Variants in FBXO24 observed in about 807,000 individuals in gnomAD.
FBXO24 encodes the protein F-box protein 24, also known as F-box only protein 24.
A neutral mutation model predicts 63.5 loss-of-function variants in FBXO24; 30 were observed. The ratio of observed to expected loss-of-function variants is 0.47; its 90% CI spans 0.35 to 0.64. The LOEUF (loss-of-function observed/expected upper bound fraction) is 0.64, where lower values mean the gene tolerates loss of function less well. FBXO24 is among the 30% of genes least tolerant of loss of function. FBXO24 has a pLI of 0.00. For synonymous variants in FBXO24, 300 were observed against 305.0 expected (o/e 0.98, Z 0.17); for missense variants, 624 against 763.4 (o/e 0.82, Z 2.15).
In FBXO24 at chr7:100,600,966, T is replaced by C. The variant is rs1562824695; in HGVS notation, c.*67T>C. ...CCCCAGGCCAGGGACTAAGGAGCAATGACCATTGTGCACATGCGTGTGGGA... is the reference window on the plus strand; with the variant it reads ...CCCCAGGCCAGGGACTAAGGAGCAACGACCATTGTGCACATGCGTGTGGGA... On this transcript the variant is annotated 3_prime_UTR_variant, in exon 10 of 10. Transcript: ENST00000241071. The surrounding 1 kb of genome is among the most constrained non-coding windows in gnomAD (Gnocchi z 6.3). 1.9e-6 allele frequency: 3 copies of C among 1,553,846 alleles called. No homozygotes were observed. Among genetic ancestry groups the C allele is most frequent in the Non-Finnish European group, 1.7e-6 (2 of 1,155,394 alleles).
chr7:100,600,698 G>A lies in FBXO24; in HGVS notation c.1542G>A (p.Gly514=). 1.2e-6 allele frequency: 2 copies of A among 1,614,182 alleles called. No individual in the cohort carries two copies. The highest frequency in any genetic ancestry group is 1.7e-6 in the Non-Finnish European group (2 of 1,180,004). The change falls in exon 10 of 10, where the codon GGG becomes GGA. Residue 514 remains glycine, a synonymous_variant. Coordinates refer to ENST00000241071, the MANE Select transcript of FBXO24 (RefSeq NM_033506.3). The surrounding 1 kb of genome is among the most constrained non-coding windows in gnomAD (Gnocchi z 6.3). The stretch of plus-strand genomic sequence containing the variant: ...CCAGAGCACCCCAGGACCCCGGGGG[G>A]ATGGCCCAGGCCTGCGAGGAGTACC... ...LGARAPQDPG[G]MAQACEEYLS...
chr7:100,591,828 C>G lies in FBXO24; in HGVS notation c.484C>G (p.Leu162Val), dbSNP rs753206304. 3.1e-6 allele frequency: 5 copies of G among 1,614,252 alleles called. No individual in the cohort carries two copies. In the South Asian group the frequency reaches 5.5e-5, roughly 18 times the overall value. Residue 162 changes from leucine to valine, a missense_variant, in exon 4 of 10, where the codon CTG (leucine) becomes GTG (valine). By Grantham distance (32) the Leu-to-Val change is conservative. This residue lies in a region of FBXO24 where 391 missense variants were observed against 469.1 expected (regional missense o/e 0.83). Transcript: ENST00000241071. ...VGTLFFLKNA[L>V]VSTLGQMQWK... ...GACCCTCTTCTTCCTCAAAAATGCC[C>G]TGGTCTCCACCCTCGGCCAGATGCA... is the stretch of plus-strand genomic sequence containing the variant.
chr7:100,595,987 G>A (rs529697638), intron 8 of FBXO24, among the ~76,000 whole-genome samples: 3 of 152,318 alleles, frequency 2.0e-5, no homozygotes, highest in Admixed American at 6.5e-5. Context: ...GAGGTAAGAT[G>A]TGAGCAGGGG....
In FBXO24 at chr7:100,590,447, C is replaced by T. The variant is rs1380168730; in HGVS notation, c.322+90C>T. 7 of 1,331,442 alleles carry T rather than the reference C, an allele frequency of 5.3e-6. No individual in the cohort carries two copies. The Admixed American group carries it at 1.4e-4, about 27-fold the overall frequency. 82.5% of individuals were successfully genotyped at this position (1,331,442 alleles called of 1,614,324 possible). A position where few individuals can be genotyped will look rare whatever the true frequency, so the allele number is the denominator to read the frequency against. On this transcript the variant is annotated intron_variant, in intron 3 of 9. Coordinates refer to ENST00000241071, the MANE Select transcript of FBXO24 (RefSeq NM_033506.3). ...AAAGTCCCCTGATGACCCCCACACT[C>T]CCAACAGTGCTTCCAGGGCCCCTTT...
intron 1 of FBXO24, chr7:100,589,380 C>G (rs1801888436): frequency 8.6e-7 from 1 of 1,161,014 alleles, no homozygotes; most frequent in Admixed American, 4.6e-5. Flanking sequence ...TCCTCCTGCT[C>G]CCTGAAATAA....
chr7:100,590,151 G>C, intron 2 of FBXO24, 23 bp from the exon 3 acceptor site: 1 of 1,610,566 alleles, frequency 6.2e-7, no homozygotes, highest in Non-Finnish European at 8.5e-7. Flanking sequence ...AAGACTCCCC[G>C]CTTCTTCCCT....
intron 8 of FBXO24, among the ~76,000 whole-genome samples, chr7:100,597,764 CA>C (rs2131276524): frequency 6.6e-6 from 1 of 152,022 alleles, no homozygotes; most frequent in Non-Finnish European, 1.5e-5. Flanking sequence ...TGCAGTGACA[CA>C]ATCGTAGCTT....
chr7:100,586,992 C>T (rs1368829652), intron 1 of FBXO24, among the ~76,000 whole-genome samples: 2 of 152,164 alleles, frequency 1.3e-5, no homozygotes, highest in Non-Finnish European at 1.5e-5. Context: ...CACGGTCTGC[C>T]GTCTCACCCG....
At position 100,600,933 on chromosome 7, in the gene FBXO24, G is replaced by C. The variant is rs572516223; in HGVS notation, c.*34G>C. ...ATGCTAGCCTAGTCCCTGGAGGAGG[G>C]AGTCCGGCCCCAGGCCAGGGACTAA... On this transcript the variant is annotated 3_prime_UTR_variant, in exon 10 of 10. Transcript: ENST00000241071. The surrounding 1 kb of genome is among the most constrained non-coding windows in gnomAD (Gnocchi z 6.3). 3 of 1,590,946 alleles carry C rather than the reference G, an allele frequency of 1.9e-6. No individual in the cohort carries two copies. Among genetic ancestry groups the C allele is most frequent in the African/African-American group, 2.7e-5 (2 of 74,244 alleles).
In FBXO24 at chr7:100,587,336, T is replaced by G. The variant is rs191374696; in HGVS notation, c.39+672T>G. Among the ~76,000 whole-genome samples the G allele has an allele frequency of 7.2e-3, 1,102 of 152,268 alleles. 14 individuals carry two copies. The highest frequency in any genetic ancestry group is 0.025 in the African/African-American group (1,034 of 41,546). Reference sequence around the variant, plus strand: ...TTTATTTTTTGAGATGGAGTCTCGCTCAGTCGCCCAGGCTGGAGTGCAGTG... The same window carrying G: ...TTTATTTTTTGAGATGGAGTCTCGCGCAGTCGCCCAGGCTGGAGTGCAGTG... On this transcript the variant is annotated intron_variant, in intron 1 of 9. Transcript: ENST00000241071.
At position 100,586,359 on chromosome 7, in the gene FBXO24, C is replaced by T. The variant is rs1801752762; in HGVS notation, c.-267C>T. ...CTCGCCAACGGCCGACGCTCCAGGC[C>T]GTCCCGCCCAGCGCAGCTGCACCCA... is the stretch of plus-strand genomic sequence containing the variant. On this transcript the variant is annotated 5_prime_UTR_variant, in exon 1 of 10. Transcript: ENST00000241071. The T allele has an allele frequency of 6.3e-6, 4 of 637,674 alleles. No individual in the cohort carries two copies. Among genetic ancestry groups the T allele is most frequent in the Non-Finnish European group, 1.1e-5 (4 of 370,984 alleles). The allele number at this position is 637,674 out of a possible 1,614,324, so 39.5% of individuals were successfully genotyped here. A position where few individuals can be genotyped will look rare whatever the true frequency, so the allele number is the denominator to read the frequency against.
At position 100,594,993 on chromosome 7, in the gene FBXO24, C is replaced by G. The variant is rs1802234217; in HGVS notation, c.953-109C>G. On this transcript the variant is annotated intron_variant, in intron 6 of 9. Coordinates refer to ENST00000241071, the MANE Select transcript of FBXO24 (RefSeq NM_033506.3). The surrounding 1 kb of genome is among the most constrained non-coding windows in gnomAD (Gnocchi z 4.2). Reference sequence around the variant, plus strand: ...CCCAGGCATCATAGTTGATGCATTCCTAGTGGGTATGAGACTCCTTGGATC... The same window carrying G: ...CCCAGGCATCATAGTTGATGCATTCGTAGTGGGTATGAGACTCCTTGGATC... 1 of 1,450,284 alleles carries G rather than the reference C, an allele frequency of 6.9e-7. No homozygotes were observed. 89.8% of individuals were successfully genotyped at this position (1,450,284 alleles called of 1,614,324 possible).
At position 100,594,374 on chromosome 7, in the gene FBXO24, T is replaced by C; in HGVS notation, c.794-9T>C. The C allele has an allele frequency of 3.1e-6, 5 of 1,610,568 alleles. No individual in the cohort carries two copies. The highest frequency in any genetic ancestry group is 4.2e-6 in the Non-Finnish European group (5 of 1,178,512). On this transcript the variant is annotated splice_polypyrimidine_tract_variant and intron_variant, in intron 5 of 9. Transcript: ENST00000241071. This position sits in a 1 kb window ranked among gnomAD's most constrained non-coding sequence, Gnocchi z 4.2. ...CCCCTCCCCAACTAATTGCTTCCCC[T>C]ACCCCCAGAGGAAGGAAAGATCTAC...
In FBXO24 at chr7:100,592,908, G is replaced by A; in HGVS notation, c.684G>A (p.Leu228=). 1.9e-6 allele frequency: 3 copies of A among 1,614,210 alleles called. No homozygotes were observed. Among genetic ancestry groups the A allele is most frequent in the Non-Finnish European group, 1.7e-6 (2 of 1,180,044 alleles). The change falls in exon 5 of 10, where the codon CTG becomes CTA. Residue 228 remains leucine (L), a synonymous_variant. Transcript: ENST00000241071. ...SRACDCVEVY[L]QSSGQRVFKM... is the part of the protein sequence containing the mutation. Reference sequence around the variant, plus strand: ...CCTGTGACTGTGTTGAGGTCTATCTGCAGTCTAGTGGGCAGCGGGTCTTCA... The same window carrying A: ...CCTGTGACTGTGTTGAGGTCTATCTACAGTCTAGTGGGCAGCGGGTCTTCA...
intron 3 of FBXO24, 21 bp from the exon 4 acceptor site, chr7:100,591,646 C>G (rs1562816859): frequency 6.2e-7 from 1 of 1,610,254 alleles, no homozygotes; most frequent in South Asian, 1.1e-5. Flanking sequence ...CTTGAACCTT[C>G]CATCTCCTTC....
chr7:100,587,280 CTCCCTTCCGT>C (rs948776136), intron 1 of FBXO24, among the ~76,000 whole-genome samples: 8 of 151,832 alleles, frequency 5.3e-5, no homozygotes, highest in Non-Finnish European at 1.0e-4. Flanking sequence ...CTCCCTCCCT[CTCCCTTCCGT>C]TCCCTTCCTC....
At position 100,592,862 on chromosome 7, in the gene FBXO24, TG is replaced by T. The variant is rs1802099009; in HGVS notation, c.641del (p.Gly214ValfsTer25). 1 of 1,613,950 alleles carries T rather than the reference TG, an allele frequency of 6.2e-7. No homozygotes were observed. The highest frequency in any genetic ancestry group is 8.5e-7 in the Non-Finnish European group (1 of 1,180,018). On this transcript the variant is annotated frameshift_variant, in exon 5 of 10. Coordinates refer to ENST00000241071, the MANE Select transcript of FBXO24 (RefSeq NM_033506.3). LOFTEE classifies it high-confidence loss of function. ...VLATREPQEV[V>X]GTTSSRACDC... ...GCCACTCGGGAGCCGCAGGAAGTGGTGGGTACCACCAGCAGCCGGGCCTGTG... is the reference window on the plus strand; with the variant it reads ...GCCACTCGGGAGCCGCAGGAAGTGGTGGTACCACCAGCAGCCGGGCCTGTG...
Position 100,601,058 on chromosome 7 carries a change from C to T in FBXO24, c.*159C>T, listed in dbSNP as rs141157752. 805 of 1,007,966 alleles carry T rather than the reference C, an allele frequency of 8.0e-4. 9 individuals are homozygous for T. In the East Asian group the frequency reaches 0.018, roughly 23 times the overall value. The allele number at this position is 1,007,966 out of a possible 1,614,324, so 62.4% of individuals were successfully genotyped here. A position where few individuals can be genotyped will look rare whatever the true frequency, so the allele number is the denominator to read the frequency against. On this transcript the variant is annotated 3_prime_UTR_variant, in exon 10 of 10. Coordinates refer to ENST00000241071, the MANE Select transcript of FBXO24 (RefSeq NM_033506.3). ...TGTTCAGGGGGCTGCCCAGGAGGGG[C>T]CCCCAACCTGACTATCATGGACAAG... is the stretch of plus-strand genomic sequence containing the variant.
chr7:100,599,976 A>ACCCCCC, intron 8 of FBXO24, 55 bp from the exon 9 acceptor site: 1 of 744,322 alleles, frequency 1.3e-6, no homozygotes, highest in Non-Finnish European at 2.3e-6. Flanking sequence ...TTCCCACCCC[A>ACCCCCC]GCCCCCCCGT....
Sources: allele counts gnomAD v4.1 joint callset (sites outside exome capture counted in the v4.1 genomes callset), GRCh38; gene constraint gnomAD v4.1.1; regional missense constraint gnomAD v4.1.1; non-coding constraint Gnocchi (gnomAD v3.1); transcripts MANE v1.5; gene names NCBI Gene and HGNC (gene_info 2026-07-23, HGNC 2026-07-21).